The following SSR1 variants were observed in gnomAD, a reference collection of about 807,000 sequenced individuals.
The protein encoded by SSR1 is signal sequence receptor subunit 1.
SSR1 carries 13 observed loss-of-function variants against 36.1 expected under a neutral mutation model. That is an observed-to-expected ratio of 0.36 (90% CI 0.23 to 0.57). The LOEUF (loss-of-function observed/expected upper bound fraction) is 0.57. Ranked by LOEUF, SSR1 falls within the 20% of genes least tolerant of loss-of-function variation. SSR1 has a pLI of 0.81. For synonymous variants in SSR1, 113 were observed against 118.9 expected (o/e 0.95, Z 0.32); for missense variants, 291 against 338.5 (o/e 0.86, Z 1.10).
rs1283425873 is a variant in SSR1, at chr6:7,290,500, A to G, written c.794-569T>C. 2.6e-5 allele frequency among the ~76,000 whole-genome samples: 4 copies of G among 152,324 alleles called. No homozygotes were observed. In the East Asian group the frequency reaches 5.8e-4, roughly 22 times the overall value. ...TTCCATTTGGTAAGAGGTGTCATTT[A>G]TAAGTTTCCTCAACCAGTGAAAGGC... On this transcript the variant is annotated intron_variant, in intron 7 of 7. Transcript: ENST00000244763.
rs145594526 is a variant in SSR1, at chr6:7,288,652, C to T, written c.*1212G>A. 9.2e-5 allele frequency: 14 copies of T among 152,654 alleles called. No homozygotes were observed. The East Asian group carries it at 2.7e-3, about 29-fold the overall frequency. The allele number at this position is 152,654 out of a possible 1,614,324, so 9.5% of individuals were successfully genotyped here. A position where few individuals can be genotyped will look rare whatever the true frequency, so the allele number is the denominator to read the frequency against. ...GGCTTAAAGACAAGAGGGGGAGAGCCTCTTAATTGTTCATACTATTTTACT... is the reference window on the plus strand; with the variant it reads ...GGCTTAAAGACAAGAGGGGGAGAGCTTCTTAATTGTTCATACTATTTTACT... On this transcript the variant is annotated 3_prime_UTR_variant, in exon 8 of 8. Coordinates refer to ENST00000244763, the MANE Select transcript of SSR1 (RefSeq NM_003144.5).
intron 6 of SSR1, 113 bp from the exon 7 acceptor site, chr6:7,295,598 G>C: frequency 1.5e-6 from 1 of 688,138 alleles, no homozygotes; most frequent in South Asian, 2.3e-5. Flanking sequence ...GGAACTCCTG[G>C]GCTCAAGCAA....
intron 7 of SSR1, among the ~76,000 whole-genome samples, chr6:7,292,733 C>A (rs1005222651): frequency 6.6e-5 from 4 of 60,520 alleles, no homozygotes; most frequent in Non-Finnish European, 8.4e-5. Flanking sequence ...TTTAAAGTGG[C>A]TCTTTGACCT....
At chr6:7,290,900 T>G (rs1757666023) in intron 7 of SSR1, among the ~76,000 whole-genome samples, 1 of 151,964 alleles carries the variant, frequency 6.6e-6, no homozygotes, top group Admixed American at 6.6e-5. Flanking sequence ...ATCAAGAATA[T>G]TTATTTTTTT....
At position 7,286,115 on chromosome 6, in the gene SSR1, GTGATATGA is replaced by G. The variant is rs1433877127; in HGVS notation, c.*3741_*3748del. On this transcript the variant is annotated 3_prime_UTR_variant, in exon 8 of 8. Coordinates refer to ENST00000244763, the MANE Select transcript of SSR1 (RefSeq NM_003144.5). ...CTTCAGTGAGCTGTCGTAAAGGTGT[GTGATATGA>G]TGACTAGAAAACAAACAGAACACAG... 1 of 152,142 alleles carries G rather than the reference GTGATATGA, an allele frequency of 6.6e-6. No homozygotes were observed. The highest frequency in any genetic ancestry group is 2.4e-5 in the African/African-American group (1 of 41,442). 9.4% of individuals were successfully genotyped at this position (152,142 alleles called of 1,614,324 possible).
At chr6:7,303,486 A>G in intron 3 of SSR1, 64 bp downstream of exon 3, 4 of 1,152,610 alleles carry the variant, frequency 3.5e-6, no homozygotes, top group South Asian at 1.4e-5. Context: ...ATTCAGATAT[A>G]TATGAACAAG....
In SSR1 at chr6:7,298,013, G is replaced by A. The variant is rs766943950; in HGVS notation, c.621-12C>T. ...TATACATAAAGATTCTGGTACAAAA[G>A]GAGAAAATATGAACTGTCTTTAATT... On this transcript the variant is annotated splice_polypyrimidine_tract_variant and intron_variant, in intron 5 of 7. Transcript: ENST00000244763. 3.7e-6 allele frequency: 6 copies of A among 1,602,588 alleles called. No homozygotes were observed. In the Admixed American group the frequency reaches 5.0e-5, roughly 13 times the overall value.
At chr6:7,306,363 T>C (rs1758053904) in intron 2 of SSR1, among the ~76,000 whole-genome samples, 1 of 151,934 alleles carries the variant, frequency 6.6e-6, no homozygotes, top group African/African-American at 2.4e-5. Flanking sequence ...CAGGATGGTC[T>C]TGATCTCCTG....
At chr6:7,290,666 G>A (rs3799515) in intron 7 of SSR1, among the ~76,000 whole-genome samples, 55,988 of 151,452 alleles carry the variant, frequency 0.37, 10,357 homozygotes, top group South Asian at 0.43. Context: ...TGCATTCATT[G>A]ATTTCGTATT....
intron 4 of SSR1, 132 bp from the exon 5 acceptor site, chr6:7,298,955 C>T: frequency 1.5e-6 from 1 of 659,616 alleles, no homozygotes; most frequent in Middle Eastern, 3.7e-4. Flanking sequence ...TCAACAAATT[C>T]ATATGTAACT....
At chr6:7,308,744 G>GC (rs1055036720) in intron 2 of SSR1, among the ~76,000 whole-genome samples, 16 of 122,224 alleles carry the variant, frequency 1.3e-4, no homozygotes, top group South Asian at 7.5e-4. Context: ...ACATATAACT[G>GC]CCCCAAAAAA....
chr6:7,299,785 T>G (rs1012505589), intron 4 of SSR1, among the ~76,000 whole-genome samples: 2 of 152,336 alleles, frequency 1.3e-5, no homozygotes, highest in African/African-American at 2.4e-5. Flanking sequence ...GTTGTGGTCT[T>G]GAAATAATTT....
intron 7 of SSR1, among the ~76,000 whole-genome samples, chr6:7,292,963 G>A (rs1333433926): frequency 6.6e-6 from 1 of 152,040 alleles, no homozygotes; most frequent in Non-Finnish European, 1.5e-5. Context: ...AAATGGAAAA[G>A]GACCTGAACA....
At chr6:7,298,890 A>G in intron 4 of SSR1, 67 bp from the exon 5 acceptor site, 1 of 1,278,364 alleles carries the variant, frequency 7.8e-7, no homozygotes, top group South Asian at 1.2e-5. Flanking sequence ...ATGTAACATT[A>G]CTTAAAACAG....
intron 2 of SSR1, 66 bp downstream of exon 2, chr6:7,309,851 C>G (rs1758149208): frequency 7.9e-7 from 1 of 1,268,602 alleles, no homozygotes; most frequent in Admixed American, 1.7e-5. Flanking sequence ...TCTTTATTAG[C>G]AGCATGAGAA....
intron 7 of SSR1, chr6:7,294,999 A>T: frequency 8.3e-7 from 1 of 1,198,078 alleles, no homozygotes; most frequent in Non-Finnish European, 1.1e-6. Context: ...TTGTTCCATT[A>T]CTCATTAAAC....
intron 2 of SSR1, among the ~76,000 whole-genome samples, chr6:7,308,617 T>C (rs1227225779): frequency 6.6e-6 from 1 of 152,204 alleles, no homozygotes; most frequent in East Asian, 1.9e-4. Context: ...TTGTATTACA[T>C]AGTAAACATT....
intron 7 of SSR1, among the ~76,000 whole-genome samples, chr6:7,294,219 T>TA (rs67244901): frequency 0.37 from 56,160 of 151,828 alleles, 10,472 homozygotes; most frequent in South Asian, 0.43. Context: ...TGTCTAGTTG[T>TA]AAAAAAACAG....
In SSR1 at chr6:7,298,819, T is replaced by C. The variant is rs773915116; in HGVS notation, c.548A>G (p.Asn183Ser). ...ATTGAAGACTGCATCTTGGAATACATTGCCCTGTTTAAGAAAATAAAATAA... is the reference window on the plus strand; with the variant it reads ...ATTGAAGACTGCATCTTGGAATACACTGCCCTGTTTAAGAAAATAAAATAA... ...INLNYKDLNG[N>S]VFQDAVFNQT... Residue 183 changes from asparagine (N) to serine (S), a missense_variant, in exon 5 of 8, where the codon AAT (asparagine) becomes AGT (serine). Physicochemically the swap from Asn to Ser is conservative, Grantham distance 46 (BLOSUM62 1). Coordinates refer to ENST00000244763, the MANE Select transcript of SSR1 (RefSeq NM_003144.5). The C allele has an allele frequency of 6.2e-6, 10 of 1,611,806 alleles. No homozygotes were observed. Among genetic ancestry groups the C allele is most frequent in the African/African-American group, 5.3e-5 (4 of 74,912 alleles).
Sources: allele counts gnomAD v4.1 joint callset (sites outside exome capture counted in the v4.1 genomes callset), GRCh38; gene constraint gnomAD v4.1.1; transcripts MANE v1.5; gene names NCBI Gene and HGNC (gene_info 2026-07-23, HGNC 2026-07-21).